The following MAGED1 variants were observed in gnomAD, a reference collection of about 807,000 sequenced individuals.
The protein encoded by MAGED1 is MAGE family member D1, also known as melanoma-associated antigen D1.
In MAGED1, 3 loss-of-function variants were observed where a neutral mutation model predicts 54.1. The observed-to-expected ratio is 0.06, with a 90% CI of 0.03 to 0.14. MAGED1 has a LOEUF of 0.14. Ranked by LOEUF, MAGED1 falls within the 10% of genes least tolerant of loss-of-function variation. The pLI is 1.00. For synonymous variants in MAGED1, 217 were observed against 227.3 expected, an observed-to-expected ratio of 0.95 and a Z score of 0.41; for missense variants, 485 against 623.4, an observed-to-expected ratio of 0.78 and a Z score of 2.36.
intron 1 of MAGED1, among the ~76,000 whole-genome samples, chrX:51,887,770 G>A (rs1289986620): frequency 1.8e-5 from 2 of 108,542 alleles, no homozygotes; most frequent in Non-Finnish European, 3.8e-5. Context: ...AGAAGATATT[G>A]TAGGAGAAAA....
At chrX:51,840,523 T>C (rs1474959513) in intron 1 of MAGED1, among the ~76,000 whole-genome samples, 4 of 109,667 alleles carry the variant, frequency 3.6e-5, no homozygotes, top group African/African-American at 1.3e-4. Context: ...CATGTTGGTG[T>C]GCTGCACCCA....
At chrX:51,882,520 G>C (rs1460469187) in intron 1 of MAGED1, among the ~76,000 whole-genome samples, 2 of 108,186 alleles carry the variant, frequency 1.8e-5, no homozygotes, top group African/African-American at 6.8e-5. Context: ...TCAACATGGA[G>C]GTAAGTTCCC....
At chrX:51,853,494 A>C (rs1557359943) in intron 1 of MAGED1, among the ~76,000 whole-genome samples, 2 of 111,870 alleles carry the variant, frequency 1.8e-5, no homozygotes, top group Non-Finnish European at 3.8e-5. Flanking sequence ...ATTGTTGGGA[A>C]TGTCTCCTCT....
chrX:51,858,799 A>G (rs1569555811), intron 1 of MAGED1, among the ~76,000 whole-genome samples: 1 of 111,620 alleles, frequency 9.0e-6, no homozygotes, highest in Non-Finnish European at 1.9e-5. Context: ...TGGAGAAGCT[A>G]GGGTATGTGG....
chrX:51,894,505 G>A (rs1557363912), intron 2 of MAGED1, 156 bp downstream of exon 2: 7 of 798,969 alleles, frequency 8.8e-6, no homozygotes, highest in Admixed American at 2.8e-5. Context: ...TCGAAGGGGG[G>A]GAGGGGCGTC....
chrX:51,860,822 A>G lies in MAGED1; in HGVS notation c.-36-33447A>G, dbSNP rs369194883. Reference sequence around the variant, plus strand: ...AGGGAAGACAAAGCTGAGAATCAGCAGAAGAAAGGTAGGAGGGGGACCAGA... The same window carrying G: ...AGGGAAGACAAAGCTGAGAATCAGCGGAAGAAAGGTAGGAGGGGGACCAGA... On this transcript the variant is annotated intron_variant, in intron 1 of 12. Coordinates refer to the MAGED1 transcript ENST00000375772. Among the ~76,000 whole-genome samples, 77 of 110,703 alleles carry G rather than the reference A, an allele frequency of 7.0e-4. 2 individuals carry two copies. The highest frequency in any genetic ancestry group is 2.4e-3 in the African/African-American group (74 of 30,520).
intron 1 of MAGED1, among the ~76,000 whole-genome samples, chrX:51,843,652 A>G (rs1006002656): frequency 1.1e-4 from 12 of 112,013 alleles, no homozygotes; most frequent in Admixed American, 8.5e-4. Flanking sequence ...TGATAAATTC[A>G]TATTGTTTTA....
chrX:51,869,304 G>C (rs1927568068), intron 1 of MAGED1, among the ~76,000 whole-genome samples: 1 of 111,454 alleles, frequency 9.0e-6, no homozygotes, highest in Non-Finnish European at 1.9e-5. Flanking sequence ...GGTGTCGTGG[G>C]TACCATATCT....
intron 1 of MAGED1, among the ~76,000 whole-genome samples, chrX:51,839,731 A>G (rs1926384260): frequency 8.9e-6 from 1 of 112,080 alleles, no homozygotes; most frequent in African/African-American, 3.2e-5. Flanking sequence ...AACCAATTCC[A>G]TGAATCTTAT....
intron 1 of MAGED1, among the ~76,000 whole-genome samples, chrX:51,865,905 C>T (rs1007313804): frequency 4.5e-5 from 5 of 111,458 alleles, no homozygotes; most frequent in Non-Finnish European, 7.5e-5. Context: ...AGCACCTCCA[C>T]CCTTCTCTCT....
chrX:51,842,127 C>A (rs1278969165), intron 1 of MAGED1, among the ~76,000 whole-genome samples: 1 of 111,972 alleles, frequency 8.9e-6, no homozygotes, highest in Non-Finnish European at 1.9e-5. Flanking sequence ...TCAAACAGTG[C>A]AGATACTTTT....
chrX:51,898,671 GCTT>G lies in MAGED1; in HGVS notation c.1844+32_1844+34del, dbSNP rs781812382. The G allele has an allele frequency of 1.9e-4, 222 of 1,167,637 alleles. 1 individual carries two copies. The highest frequency in any genetic ancestry group is 2.3e-5 in the Non-Finnish European group (20 of 866,173). ...AAGTGATGCCTAAGGGGCTTTTCCTGCTTCTTATGATTCTGCCTGTGTGCTGGT... is the reference window on the plus strand; with the variant it reads ...AAGTGATGCCTAAGGGGCTTTTCCTGCTTATGATTCTGCCTGTGTGCTGGT... On this transcript the variant is annotated intron_variant, in intron 10 of 12. Coordinates refer to ENST00000326587, the MANE Select transcript of MAGED1 (RefSeq NM_006986.4).
chrX:51,829,836 CAG>C (rs1414265778), intron 1 of MAGED1, among the ~76,000 whole-genome samples: 16 of 111,314 alleles, frequency 1.4e-4, no homozygotes, highest in African/African-American at 4.9e-4. Context: ...TGTAGGGAAA[CAG>C]TAGTCTTCAT....
upstream of MAGED1, among the ~76,000 whole-genome samples, chrX:51,890,535 T>C (rs781929817): frequency 4.5e-5 from 5 of 111,541 alleles, no homozygotes; most frequent in African/African-American, 1.6e-4. Context: ...TATCTGGCCT[T>C]TGTGGCTTTT....
chrX:51,870,764 C>T (rs1557361470), intron 1 of MAGED1: 1 of 112,388 alleles, frequency 8.9e-6, no homozygotes, highest in Non-Finnish European at 1.9e-5. Context: ...ATGTGCTAAT[C>T]TCTGCACGGT....
At chrX:51,901,508 G>C in intron 11 of MAGED1, 45 bp from the exon 12 acceptor site, 1 of 1,106,732 alleles carries the variant, frequency 9.0e-7, no homozygotes, top group Non-Finnish European at 1.2e-6. Context: ...CCATATCTTG[G>C]CTATTGTAAA....
At chrX:51,848,517 C>G (rs148601955) in intron 1 of MAGED1, among the ~76,000 whole-genome samples, 2,759 of 111,673 alleles carry the variant, frequency 0.025, 49 homozygotes, top group Admixed American at 0.084. Context: ...AATTGGGAAT[C>G]AGTCACATAA....
At chrX:51,845,630 A>G (rs1353431815) in intron 1 of MAGED1, among the ~76,000 whole-genome samples, 2 of 111,778 alleles carry the variant, frequency 1.8e-5, no homozygotes, top group Non-Finnish European at 3.8e-5. Flanking sequence ...CCATACCTAA[A>G]TGAGATGACT....
intron 1 of MAGED1, among the ~76,000 whole-genome samples, chrX:51,866,171 C>G (rs1473808481): frequency 3.6e-5 from 4 of 112,395 alleles, no homozygotes; most frequent in African/African-American, 1.3e-4. Context: ...GCATTTTCCT[C>G]AGGTGTTCTT....
Sources: allele counts gnomAD v4.1 joint callset (sites outside exome capture counted in the v4.1 genomes callset), GRCh38; gene constraint gnomAD v4.1.1; transcripts MANE v1.5; gene names NCBI Gene and HGNC (gene_info 2026-07-23, HGNC 2026-07-21).